The following PDSS1 variants were observed in gnomAD, a reference collection of about 807,000 sequenced individuals.
The protein encoded by PDSS1 is decaprenyl diphosphate synthase subunit 1, also known as all trans-polyprenyl-diphosphate synthase PDSS1.
In PDSS1, 43 loss-of-function variants were observed where a neutral mutation model predicts 57.5. The observed-to-expected ratio is 0.75, with a 90% CI of 0.59 to 0.96. PDSS1 has a LOEUF of 0.96. PDSS1 is among the 50% of genes least tolerant of loss of function. The pLI is 0.00. For synonymous variants in PDSS1, 175 were observed against 191.3 expected, an observed-to-expected ratio of 0.91 and a Z score of 0.70; for missense variants, 438 against 527.8, an observed-to-expected ratio of 0.83 and a Z score of 1.67.
chr10:26,710,152 C>CT (rs199658566), intron 5 of PDSS1, among the ~76,000 whole-genome samples: 5 of 91,668 alleles, frequency 5.5e-5, no homozygotes, highest in Admixed American at 1.3e-4. Context: ...AGACTCTTGT[C>CT]TTAAAAAAAA....
intron 11 of PDSS1, among the ~76,000 whole-genome samples, chr10:26,746,082 CTA>C (rs749051852): frequency 2.7e-4 from 41 of 151,936 alleles, no homozygotes; most frequent in Non-Finnish European, 5.4e-4. Flanking sequence ...AAACGAATGA[CTA>C]TGTAATATTG....
intron 8 of PDSS1, among the ~76,000 whole-genome samples, chr10:26,732,930 G>GA (rs1395752158): frequency 1.3e-5 from 2 of 152,084 alleles, no homozygotes; most frequent in East Asian, 3.9e-4. Context: ...AGACCAGCCT[G>GA]AAACCCCGTC....
At chr10:26,743,621 T>A (rs1020114930) in intron 11 of PDSS1, among the ~76,000 whole-genome samples, 11 of 152,118 alleles carry the variant, frequency 7.2e-5, no homozygotes, top group Non-Finnish European at 1.2e-4. Flanking sequence ...ATAATGGTAT[T>A]ATTGAAAGCT....
At chr10:26,703,259 G>A (rs1835100103) in intron 2 of PDSS1, among the ~76,000 whole-genome samples, 1 of 152,154 alleles carries the variant, frequency 6.6e-6, no homozygotes, top group African/African-American at 2.4e-5. Flanking sequence ...AATTAGCTGT[G>A]TAATTTTAAT....
chr10:26,709,737 C>G lies in PDSS1; in HGVS notation c.436C>G (p.Arg146Gly). 1 of 1,613,816 alleles carries G rather than the reference C, an allele frequency of 6.2e-7. No homozygotes were observed. Among genetic ancestry groups the G allele is most frequent in the Non-Finnish European group, 8.5e-7 (1 of 1,179,834 alleles). The change falls in exon 5 of 12, where the codon CGA becomes GGA. Residue 146 changes from arginine (R) to glycine (G), a missense_variant. Arg to Gly is a moderately radical substitution (Grantham distance 125, BLOSUM62 -2). Around this residue, in one of 2 missense-constraint regions of PDSS1, gnomAD observed 284 missense variants for 390.7 expected, o/e 0.73. Transcript: ENST00000376215. Reference sequence around the variant, plus strand: ...ACCAATTATTGTGGCGCTAATGGCCCGAGCATGCAATATTCATCATAACAA... The same window carrying G: ...ACCAATTATTGTGGCGCTAATGGCCGGAGCATGCAATATTCATCATAACAA... Reference protein sequence around the residue: ...FRPIIVALMARACNIHHNNSR... With the variant: ...FRPIIVALMAGACNIHHNNSR...
rs886046932 is a variant in PDSS1 at position 26,697,762 on chromosome 10, G to A, written c.51G>A (p.Ala17=). 10 of 1,291,444 alleles carry A rather than the reference G, an allele frequency of 7.7e-6. No individual in the cohort carries two copies. Among genetic ancestry groups the A allele is most frequent in the Non-Finnish European group, 9.8e-6 (10 of 1,025,176 alleles). The allele number at this position is 1,291,444 out of a possible 1,614,324, so 80.0% of individuals were successfully genotyped here. ...RWRRGCSWKP[A]ARSPGPGSPG... ...GGCGCGGCTGCTCCTGGAAGCCGGC[G>A]GCGCGGAGCCCCGGGCCCGGCTCCC... Residue 17 remains alanine (A), a synonymous_variant, in exon 1 of 12, where the codon GCG becomes GCA. Coordinates refer to ENST00000376215, the MANE Select transcript of PDSS1 (RefSeq NM_014317.5).
intron 8 of PDSS1, among the ~76,000 whole-genome samples, chr10:26,729,068 C>T (rs1029391886): frequency 1.3e-5 from 2 of 152,126 alleles, no homozygotes; most frequent in African/African-American, 4.8e-5. Context: ...GCGTGAGTCA[C>T]CGTGCCCAGC....
intron 10 of PDSS1, among the ~76,000 whole-genome samples, chr10:26,741,268 T>C (rs1339733544): frequency 6.6e-6 from 1 of 152,144 alleles, no homozygotes; most frequent in African/African-American, 2.4e-5. Flanking sequence ...ACAGATCACC[T>C]GAGGTCAGGA....
In PDSS1 at chr10:26,742,585, T is replaced by A; in HGVS notation, c.1107+8T>A. 1.3e-6 allele frequency: 2 copies of A among 1,581,542 alleles called. No homozygotes were observed. Among genetic ancestry groups the A allele is most frequent in the South Asian group, 1.1e-5 (1 of 90,420 alleles). On this transcript the variant is annotated splice_region_variant and intron_variant, in intron 11 of 11. Coordinates refer to ENST00000376215, the MANE Select transcript of PDSS1 (RefSeq NM_014317.5). ...CGACAGTATGTACTACAGGTAAGAC[T>A]GTTTTTTTAAAAAAAAGGCAGCAGC...
At chr10:26,717,976 T>C (rs1835648951) in intron 5 of PDSS1, 1 of 152,192 alleles carries the variant, frequency 6.6e-6, no homozygotes, top group Non-Finnish European at 1.5e-5. Flanking sequence ...ACTGAGGGAT[T>C]CAGGTGGCTT....
intron 1 of PDSS1, 152 bp from the exon 2 acceptor site, chr10:26,702,010 A>G (rs1324754315): frequency 1.2e-5 from 5 of 405,390 alleles, no homozygotes; most frequent in Non-Finnish European, 2.0e-5. Flanking sequence ...TGGAGCTTTA[A>G]GTAATGACTG....
chr10:26,729,917 T>A (rs1438575996), intron 8 of PDSS1, among the ~76,000 whole-genome samples: 117 of 141,564 alleles, frequency 8.3e-4, no homozygotes, highest in Non-Finnish European at 1.3e-3. Context: ...TTTTTTTTTT[T>A]TTTTTTTTTT....
intron 5 of PDSS1, chr10:26,715,023 A>G (rs1395923615): frequency 1.3e-5 from 2 of 152,212 alleles, no homozygotes; most frequent in Non-Finnish European, 1.5e-5. Context: ...TCAGGCCACT[A>G]ACAACTGTAG....
In PDSS1 at chr10:26,710,509, T is replaced by C. The variant is rs908273503; in HGVS notation, c.467+741T>C. Reference sequence around the variant, plus strand: ...ATGCCCGGCTAATTTTTTTTTTTTTTTTGTATTTTTAGTAGAGATGGGGTT... The same window carrying C: ...ATGCCCGGCTAATTTTTTTTTTTTTCTTGTATTTTTAGTAGAGATGGGGTT... On this transcript the variant is annotated intron_variant, in intron 5 of 11. Coordinates refer to ENST00000376215, the MANE Select transcript of PDSS1 (RefSeq NM_014317.5). 1.2e-4 allele frequency among the ~76,000 whole-genome samples: 11 copies of C among 92,296 alleles called. 4 individuals are homozygous for C. Among genetic ancestry groups the C allele is most frequent in the African/African-American group, 3.5e-4 (10 of 28,410 alleles). The allele number at this position is 92,296 out of a possible 152,430, so 60.5% of individuals were successfully genotyped here. A position where few individuals can be genotyped will look rare whatever the true frequency, so the allele number is the denominator to read the frequency against.
At chr10:26,711,930 AT>A (rs1260363072) in intron 5 of PDSS1, among the ~76,000 whole-genome samples, 16 of 88,112 alleles carry the variant, frequency 1.8e-4, no homozygotes, top group Admixed American at 2.7e-4. Flanking sequence ...TGGGAAGGAA[AT>A]TTTTTTTTTT....
At chr10:26,699,288 G>C (rs1834970307) in intron 1 of PDSS1, among the ~76,000 whole-genome samples, 1 of 152,104 alleles carries the variant, frequency 6.6e-6, no homozygotes, top group African/African-American at 2.4e-5. Flanking sequence ...TCCATTTCAG[G>C]ACTGTTCTCT....
chr10:26,717,512 A>G (rs1273988638), intron 5 of PDSS1: 4 of 152,274 alleles, frequency 2.6e-5, no homozygotes, highest in African/African-American at 7.2e-5. Flanking sequence ...GATTATGGGC[A>G]TGAGCCACTG....
chr10:26,701,709 A>G (rs1015996981), intron 1 of PDSS1, among the ~76,000 whole-genome samples: 36 of 152,338 alleles, frequency 2.4e-4, no homozygotes, highest in African/African-American at 8.7e-4. Context: ...CTGTTAGGAC[A>G]GTGCAGAAAG....
At chr10:26,709,518 T>C in intron 4 of PDSS1, 120 bp from the exon 5 acceptor site, 1 of 952,048 alleles carries the variant, frequency 1.1e-6, no homozygotes, top group Admixed American at 1.7e-5. Flanking sequence ...CTGAGATCGT[T>C]CCATTGCACT....
Sources: allele counts gnomAD v4.1 joint callset (sites outside exome capture counted in the v4.1 genomes callset), GRCh38; gene constraint gnomAD v4.1.1; regional missense constraint gnomAD v4.1.1; transcripts MANE v1.5; gene names NCBI Gene and HGNC (gene_info 2026-07-23, HGNC 2026-07-21).